SCAND3: variants seen among roughly 807,000 people sequenced by gnomAD.
SCAND3 encodes SCAN domain containing 3.
At chr6:28,582,450 T>C in the SCAND3 span, among the ~76,000 whole-genome samples, 1 of 152,174 alleles carries the variant, frequency 6.6e-6, no homozygotes, top group Non-Finnish European at 1.5e-5. The surrounding 1 kb of genome is among the most constrained non-coding windows in gnomAD (Gnocchi z 4.8). Context: ...GTGTGCTGAC[T>C]AGACGTGAGA....
chr6:28,586,664 T>A, the SCAND3 span: 1 of 1,614,050 alleles, frequency 6.2e-7, no homozygotes, highest in Non-Finnish European at 8.5e-7. The surrounding 1 kb of genome is among the most constrained non-coding windows in gnomAD (Gnocchi z 4.4). Context: ...TCTCCCCTTG[T>A]TCTTCTGGAG....
chr6:28,606,351 T>C, the SCAND3 span, among the ~76,000 whole-genome samples: 1 of 152,138 alleles, frequency 6.6e-6, no homozygotes, highest in Non-Finnish European at 1.5e-5. Context: ...TAGTTGTGAA[T>C]TTGGGTTGGG....
At chr6:28,587,127 G>A in the SCAND3 span, 43 of 183,448 alleles carry the variant, frequency 2.3e-4, 1 homozygote, top group East Asian at 6.5e-3. Flanking sequence ...AGAGGGAGAG[G>A]GGCTCACAAG....
the SCAND3 span, among the ~76,000 whole-genome samples, chr6:28,580,582 C>T: frequency 2.0e-5 from 3 of 152,104 alleles, no homozygotes; most frequent in Non-Finnish European, 4.4e-5. Flanking sequence ...ATGTAAATTG[C>T]TTTGTATAAT....
chr6:28,588,070 T>C, the SCAND3 span: 5 of 152,238 alleles, frequency 3.3e-5, no homozygotes, highest in African/African-American at 1.2e-4. The surrounding 1 kb of genome is among the most constrained non-coding windows in gnomAD (Gnocchi z 4.1). Flanking sequence ...CATTTTGGCA[T>C]TTCTGAGTAG....
At chr6:28,607,997 G>A in the SCAND3 span, among the ~76,000 whole-genome samples, 1 of 152,186 alleles carries the variant, frequency 6.6e-6, no homozygotes, top group Non-Finnish European at 1.5e-5. Flanking sequence ...GTCCTCTGAG[G>A]AGGAAAGCCT....
chr6:28,604,311 CA>C, the SCAND3 span, among the ~76,000 whole-genome samples: 181 of 152,144 alleles, frequency 1.2e-3, no homozygotes, highest in African/African-American at 4.2e-3. Context: ...AGCTAATATG[CA>C]AAAAAATTAG....
At chr6:28,586,264 T>C in the SCAND3 span, 1 of 1,542,316 alleles carries the variant, frequency 6.5e-7, no homozygotes, top group Non-Finnish European at 8.8e-7. The surrounding 1 kb of genome is among the most constrained non-coding windows in gnomAD (Gnocchi z 4.4). Flanking sequence ...TGCACCCAAA[T>C]TCTCCACAGA....
chr6:28,580,438 T>C, the SCAND3 span, among the ~76,000 whole-genome samples: 4 of 137,162 alleles, frequency 2.9e-5, no homozygotes, highest in African/African-American at 1.1e-4. Flanking sequence ...CGAGACTCCG[T>C]CTCAAAAAAA....
At chr6:28,599,584 T>A in the SCAND3 span, among the ~76,000 whole-genome samples, 1 of 152,144 alleles carries the variant, frequency 6.6e-6, no homozygotes, top group Admixed American at 6.5e-5. Flanking sequence ...ATATGATGGT[T>A]TTAAAAAGGG....
At chr6:28,589,299 C>T in the SCAND3 span, 1 of 152,208 alleles carries the variant, frequency 6.6e-6, no homozygotes, top group Admixed American at 6.5e-5. Flanking sequence ...TGACCTAACT[C>T]TTTCGGATCG....
chr6:28,572,855 A>C, the SCAND3 span: 4 of 1,613,876 alleles, frequency 2.5e-6, no homozygotes, highest in Non-Finnish European at 2.5e-6. This position sits in a 1 kb window ranked among gnomAD's most constrained non-coding sequence, Gnocchi z 4.1. Context: ...AGTTCAGCTG[A>C]TATTTTTTTC....
the SCAND3 span, chr6:28,571,766 A>G: frequency 3.2e-6 from 3 of 929,484 alleles, no homozygotes; most frequent in African/African-American, 5.2e-5. Context: ...CAATTTATAT[A>G]GAAAATTGCT....
At chr6:28,576,879 G>C in the SCAND3 span, among the ~76,000 whole-genome samples, 1 of 150,596 alleles carries the variant, frequency 6.6e-6, no homozygotes, top group Non-Finnish European at 1.5e-5. Flanking sequence ...TAAAATGCTG[G>C]GATTACAGGC....
chr6:28,577,079 C>G, the SCAND3 span, among the ~76,000 whole-genome samples: 2 of 152,082 alleles, frequency 1.3e-5, no homozygotes, highest in African/African-American at 4.8e-5. Context: ...GGGCTATTAA[C>G]TACAAACTCA....
chr6:28,580,883 C>T, the SCAND3 span, among the ~76,000 whole-genome samples: 1 of 147,584 alleles, frequency 6.8e-6, no homozygotes, highest in Non-Finnish European at 1.5e-5. Flanking sequence ...ATGGGTGGGC[C>T]TGGTCTTAGA....
the SCAND3 span, among the ~76,000 whole-genome samples, chr6:28,574,264 T>C: frequency 6.6e-6 from 1 of 152,226 alleles, no homozygotes; most frequent in African/African-American, 2.4e-5. Flanking sequence ...CCAGTACTGC[T>C]CTACTGATCA....
At chr6:28,598,046 A>T in the SCAND3 span, 1 of 152,166 alleles carries the variant, frequency 6.6e-6, no homozygotes, top group Non-Finnish European at 1.5e-5. Context: ...TTTTCGTTCT[A>T]GAGTAGTTTG....
At chr6:28,599,415 A>C in the SCAND3 span, among the ~76,000 whole-genome samples, 1 of 152,222 alleles carries the variant, frequency 6.6e-6, no homozygotes, top group Non-Finnish European at 1.5e-5. Flanking sequence ...TATAGTAATC[A>C]GGACAGTGTG....
Sources: gnomAD v4.1 joint callset for allele counts (sites outside exome capture counted in the v4.1 genomes callset) on GRCh38, gnomAD v4.1.1 for gene constraint, Gnocchi (gnomAD v3.1) non-coding constraint, MANE v1.5 for transcripts, NCBI Gene and HGNC (gene_info 2026-07-23, HGNC 2026-07-21) for gene names.